The following CDH13 variants were observed in gnomAD, a reference collection of about 807,000 sequenced individuals.
CDH13 encodes the protein cadherin 13.
In CDH13, 24 loss-of-function variants were observed where a neutral mutation model predicts 63.8. The observed-to-expected ratio is 0.38, with a 90% confidence interval of 0.27 to 0.53. CDH13 has a LOEUF of 0.53. Among genes scored for constraint, CDH13 ranks in the 20% least tolerant of loss-of-function variants. CDH13 has a pLI of 0.85. For missense variants in CDH13, 1,049 were observed against 903.1 expected (o/e 1.16, Z -2.07); for synonymous variants, 503 against 355.3 (o/e 1.42, Z -4.67).
intron 3 of CDH13, among the ~76,000 whole-genome samples, chr16:83,101,405 A>G (rs28582337): frequency 0.02 from 3,045 of 150,364 alleles, 107 homozygotes; most frequent in African/African-American, 0.065. Context: ...ATAGTAATGT[A>G]TATATTTAGT....
At chr16:83,268,420 T>C (rs16960036) in intron 5 of CDH13, among the ~76,000 whole-genome samples, 17,457 of 152,194 alleles carry the variant, frequency 0.11, 1,239 homozygotes, top group African/African-American at 0.19. Flanking sequence ...GTTGCCACAG[T>C]TGTTACTACA....
chr16:83,169,739 G>C (rs2037843364), intron 4 of CDH13, among the ~76,000 whole-genome samples: 1 of 151,938 alleles, frequency 6.6e-6, no homozygotes, highest in Non-Finnish European at 1.5e-5. Context: ...CTAGTTATTT[G>C]AATTAATTGG....
chr16:83,621,650 C>A lies in CDH13; in HGVS notation c.1101+19056C>A, dbSNP rs139653042. On this transcript the variant is annotated intron_variant, in intron 8 of 13. Coordinates refer to ENST00000567109, the MANE Select transcript of CDH13 (RefSeq NM_001257.5). ...TACAGGCATGTGCCACCATACCCGG[C>A]TAATTTTTGTATTTTTAGTAGAGAC... Among the ~76,000 whole-genome samples the A allele has an allele frequency of 5.7e-3, 865 of 151,826 alleles. 14 individuals carry two copies. Among genetic ancestry groups the A allele is most frequent in the African/African-American group, 0.02 (816 of 41,386 alleles).
At chr16:82,719,229 C>T (rs967631728) in intron 1 of CDH13, 1 of 330,194 alleles carries the variant, frequency 3.0e-6, no homozygotes, top group African/African-American at 2.2e-5. Flanking sequence ...TTTCCACGAG[C>T]AGGAACCTCA....
intron 6 of CDH13, among the ~76,000 whole-genome samples, chr16:83,455,914 C>T (rs188551231): frequency 4.9e-4 from 74 of 152,334 alleles, no homozygotes; most frequent in African/African-American, 1.5e-3. Flanking sequence ...CAGACTAGTG[C>T]TTCCAATTAA....
chr16:83,250,252 A>G (rs908065946), intron 5 of CDH13, among the ~76,000 whole-genome samples: 1 of 152,094 alleles, frequency 6.6e-6, no homozygotes, highest in Non-Finnish European at 1.5e-5. Flanking sequence ...CAAAAAAGTC[A>G]TTTTTCCTCC....
At chr16:82,734,541 G>A (rs903061987) in intron 1 of CDH13, among the ~76,000 whole-genome samples, 1 of 152,194 alleles carries the variant, frequency 6.6e-6, no homozygotes, top group African/African-American at 2.4e-5. Flanking sequence ...AGTGTTAACA[G>A]GAGGACTCTC....
chr16:83,261,356 C>G (rs1348965151), intron 5 of CDH13, among the ~76,000 whole-genome samples: 1 of 152,156 alleles, frequency 6.6e-6, no homozygotes, highest in African/African-American at 2.4e-5. Flanking sequence ...GATGACTTTA[C>G]CCTTCAGGGG....
At chr16:83,510,105 C>A (rs576102673) in intron 7 of CDH13, among the ~76,000 whole-genome samples, 1 of 152,220 alleles carries the variant, frequency 6.6e-6, no homozygotes, top group East Asian at 1.9e-4. Context: ...ATGGCTGAAA[C>A]GAGTCTGACG....
intron 6 of CDH13, among the ~76,000 whole-genome samples, chr16:83,352,124 G>A (rs764153343): frequency 7.2e-5 from 11 of 152,164 alleles, no homozygotes; most frequent in Non-Finnish European, 1.3e-4. Context: ...GAGCCCTTGA[G>A]CTTGGAGGAG....
At chr16:83,407,538 C>T (rs2092065954) in intron 6 of CDH13, among the ~76,000 whole-genome samples, 1 of 152,146 alleles carries the variant, frequency 6.6e-6, no homozygotes, top group African/African-American at 2.4e-5. Context: ...ATCACTGGTT[C>T]TAATACAAAT....
At position 83,486,470 on chromosome 16, in the gene CDH13, C is replaced by G. The variant is rs770375088; in HGVS notation, c.782-7C>G. 3 of 1,610,158 alleles carry G rather than the reference C, an allele frequency of 1.9e-6. No homozygotes were observed. The highest frequency in any genetic ancestry group is 2.2e-5 in the South Asian group (2 of 90,730). On this transcript the variant is annotated splice_polypyrimidine_tract_variant and splice_region_variant and intron_variant, in intron 6 of 13. Coordinates refer to ENST00000567109, the MANE Select transcript of CDH13 (RefSeq NM_001257.5). ...CCATTCCGTGCCTTTCTGTCTTGCC[C>G]CGGTAGGCACCACAGTGATGCGGAT...
At chr16:83,514,996 C>T (rs914685384) in intron 7 of CDH13, among the ~76,000 whole-genome samples, 2 of 152,158 alleles carry the variant, frequency 1.3e-5, no homozygotes, top group African/African-American at 2.4e-5. Context: ...ACTGAAAGAT[C>T]ATGTCTTACC....
chr16:82,974,058 G>C (rs764471315), intron 2 of CDH13, among the ~76,000 whole-genome samples: 14 of 152,020 alleles, frequency 9.2e-5, no homozygotes, highest in Admixed American at 7.9e-4. Context: ...TAATCCCTGG[G>C]ATTACGGGCA....
At chr16:83,466,604 C>T (rs1319434797) in intron 6 of CDH13, among the ~76,000 whole-genome samples, 1 of 152,216 alleles carries the variant, frequency 6.6e-6, no homozygotes, top group African/African-American at 2.4e-5. Flanking sequence ...AAACTCAGGG[C>T]CTCAATGTGT....
intron 2 of CDH13, among the ~76,000 whole-genome samples, chr16:82,860,129 TA>T (rs997527819): frequency 6.6e-6 from 1 of 152,190 alleles, no homozygotes; most frequent in African/African-American, 2.4e-5. Context: ...GTCTTCCTTT[TA>T]TTTTTTTTCC....
intron 5 of CDH13, among the ~76,000 whole-genome samples, chr16:83,313,672 G>A (rs1374020833): frequency 6.7e-6 from 1 of 149,702 alleles, no homozygotes; most frequent in Non-Finnish European, 1.5e-5. Context: ...AAAAAGGGAG[G>A]TCCTTGGTAT....
At chr16:83,237,688 C>T (rs947154472) in intron 5 of CDH13, among the ~76,000 whole-genome samples, 2 of 152,146 alleles carry the variant, frequency 1.3e-5, no homozygotes, top group Non-Finnish European at 2.9e-5. Flanking sequence ...CCAATTTTGC[C>T]TCTCCCTTGC....
chr16:82,691,584 C>T (rs893517101), intron 1 of CDH13, among the ~76,000 whole-genome samples: 5 of 152,260 alleles, frequency 3.3e-5, no homozygotes, highest in African/African-American at 7.2e-5. Context: ...AAATAAACTA[C>T]CTGTATCCAG....
Sources: allele counts gnomAD v4.1 joint callset (sites outside exome capture counted in the v4.1 genomes callset), GRCh38; gene constraint gnomAD v4.1.1; transcripts MANE v1.5; gene names NCBI Gene and HGNC (gene_info 2026-07-23, HGNC 2026-07-21).